Variants in RBFOX1 observed in about 807,000 individuals in gnomAD.
RBFOX1 encodes RNA binding fox-1 homolog 1, also known as RNA binding protein fox-1 homolog 1.
RBFOX1 carries 8 observed loss-of-function variants against 57.7 expected under a neutral mutation model. The observed-to-expected ratio is 0.14, with a 90% CI of 0.08 to 0.25. The LOEUF is 0.25. Ranked by LOEUF, RBFOX1 falls within the 10% of genes least tolerant of loss-of-function variation. The probability of loss-of-function intolerance (pLI) is 1.00; values close to 1 mark genes in which losing one functional copy is unlikely to be tolerated. For synonymous variants in RBFOX1, 326 were observed against 222.4 expected, an observed-to-expected ratio of 1.47 and a Z score of -4.15; for missense variants, 611 against 548.5, an observed-to-expected ratio of 1.11 and a Z score of -1.14.
At chr16:7,527,311 C>G (rs539381541) in intron 5 of RBFOX1, among the ~76,000 whole-genome samples, 12 of 152,046 alleles carry the variant, frequency 7.9e-5, no homozygotes, top group Non-Finnish European at 1.0e-4. Context: ...CCTTTATTAC[C>G]CAATACTGTG....
At chr16:7,010,280 T>A (rs1301127816) in intron 3 of RBFOX1, among the ~76,000 whole-genome samples, 1 of 152,210 alleles carries the variant, frequency 6.6e-6, no homozygotes, top group Non-Finnish European at 1.5e-5. Context: ...AAGAGAAAAC[T>A]GCTTTTCATG....
intron 2 of RBFOX1, among the ~76,000 whole-genome samples, chr16:6,547,407 T>C (rs551333219): frequency 6.6e-5 from 10 of 152,210 alleles, no homozygotes; most frequent in Non-Finnish European, 1.5e-4. Context: ...AAATTACTGA[T>C]AATGATCAGT....
intron 5 of RBFOX1, among the ~76,000 whole-genome samples, chr16:7,574,218 C>T (rs1010367633): frequency 2.6e-5 from 4 of 152,090 alleles, no homozygotes; most frequent in Admixed American, 1.3e-4. Flanking sequence ...GGGCCATGAT[C>T]GAAGGCCACT....
At chr16:6,760,660 G>T (rs1321189364) in intron 3 of RBFOX1, among the ~76,000 whole-genome samples, 1 of 152,194 alleles carries the variant, frequency 6.6e-6, no homozygotes, top group African/African-American at 2.4e-5. Flanking sequence ...TACTGGAGCA[G>T]AGAGATCCAA....
chr16:6,360,385 C>G (rs1241278399), intron 2 of RBFOX1, among the ~76,000 whole-genome samples: 2 of 152,076 alleles, frequency 1.3e-5, no homozygotes, highest in South Asian at 2.1e-4. Context: ...CCAAAAGTTT[C>G]TTATCAAATT....
intron 14 of RBFOX1, among the ~76,000 whole-genome samples, chr16:7,695,587 G>T (rs1316376717): frequency 1.3e-5 from 2 of 148,592 alleles, no homozygotes; most frequent in South Asian, 4.3e-4. Context: ...GGGAGGCGGA[G>T]GTTGCAGTGA....
At chr16:5,264,558 G>A (rs1394297067) in intron 1 of RBFOX1, among the ~76,000 whole-genome samples, 1 of 152,180 alleles carries the variant, frequency 6.6e-6, no homozygotes, top group African/African-American at 2.4e-5. Flanking sequence ...TTGTAAAAGT[G>A]TATATATTCT....
At chr16:5,920,062 T>G (rs1295137692) in intron 4 of RBFOX1, among the ~76,000 whole-genome samples, 1 of 152,098 alleles carries the variant, frequency 6.6e-6, no homozygotes, top group African/African-American at 2.4e-5. Context: ...GCCTCCCGAG[T>G]AGCGGGGACT....
chr16:7,581,860 G>T (rs533998342), intron 6 of RBFOX1, among the ~76,000 whole-genome samples: 1 of 152,118 alleles, frequency 6.6e-6, no homozygotes, highest in East Asian at 1.9e-4. Context: ...ACAGGCACAA[G>T]CCACCATGCT....
In RBFOX1 at chr16:6,097,769, T is replaced by A. The variant is rs2096262821; in HGVS notation, c.-127+77777T>A. Among the ~76,000 whole-genome samples, 1 of 152,046 alleles carries A rather than the reference T, an allele frequency of 6.6e-6. No individual in the cohort carries two copies. The highest frequency in any genetic ancestry group is 6.5e-5 in the Admixed American group (1 of 15,272). ...TTGGTCTGTGTTCTCTTCTTTTTTT[T>A]TTTTTCTTACCACCCTCCAAAATTC... On this transcript the variant is annotated intron_variant, in intron 1 of 15. Coordinates refer to ENST00000550418, the MANE Select transcript of RBFOX1 (RefSeq NM_018723.4). The surrounding 1 kb of genome is among the most constrained non-coding windows in gnomAD (Gnocchi z 5.0).
At chr16:6,309,136 T>G (rs1301073804) in intron 1 of RBFOX1, among the ~76,000 whole-genome samples, 2 of 152,196 alleles carry the variant, frequency 1.3e-5, no homozygotes, top group Non-Finnish European at 2.9e-5. Context: ...GCCTGTCTTA[T>G]GTACTCGGTG....
chr16:5,657,103 G>GA (rs1414922312), intron 3 of RBFOX1, among the ~76,000 whole-genome samples: 2 of 151,766 alleles, frequency 1.3e-5, no homozygotes, highest in South Asian at 2.1e-4. Context: ...GTAAAATTTA[G>GA]AAAAAAAAGA....
chr16:6,730,812 A>C (rs7196772), intron 3 of RBFOX1, among the ~76,000 whole-genome samples: 4,201 of 152,278 alleles, frequency 0.028, 180 homozygotes, highest in African/African-American at 0.091. Context: ...GGAGTTTCTC[A>C]TATGTGGCTG....
intron 5 of RBFOX1, among the ~76,000 whole-genome samples, chr16:7,578,236 T>C (rs769016218): frequency 6.6e-6 from 1 of 152,358 alleles, no homozygotes; most frequent in Non-Finnish European, 1.5e-5. Context: ...AGGTATGAAC[T>C]CATTATTCTT....
intron 4 of RBFOX1, among the ~76,000 whole-genome samples, chr16:5,868,307 G>A (rs2057390109): frequency 6.6e-6 from 1 of 151,678 alleles, no homozygotes; most frequent in Non-Finnish European, 1.5e-5. Flanking sequence ...CCCTAAGCAT[G>A]TGGAGGTATT....
chr16:7,366,702 T>C (rs1176975241), intron 4 of RBFOX1, among the ~76,000 whole-genome samples: 2 of 152,100 alleles, frequency 1.3e-5, no homozygotes, highest in Non-Finnish European at 2.9e-5. Context: ...TGCTAAGCCC[T>C]ATTAAAATGG....
At chr16:7,044,998 C>T (rs898258302) in intron 3 of RBFOX1, among the ~76,000 whole-genome samples, 2 of 152,126 alleles carry the variant, frequency 1.3e-5, no homozygotes, top group African/African-American at 2.4e-5. Context: ...AAGGTTGCAG[C>T]CGAAACACAC....
chr16:5,618,980 C>G lies in RBFOX1; in HGVS notation c.318+20019C>G, dbSNP rs149130172. ...GTGCCGGCTCCTCCCAGCCGGCATC[C>G]TTTGCTCCGGTGGTTCCAGGGAGGC... is the stretch of plus-strand genomic sequence containing the variant. On this transcript the variant is annotated intron_variant, in intron 3 of 19. Transcript: ENST00000641259. Among the ~76,000 whole-genome samples the G allele has an allele frequency of 3.6e-3, 545 of 152,264 alleles. 4 individuals carry two copies. Among genetic ancestry groups the G allele is most frequent in the African/African-American group, 0.012 (497 of 41,564 alleles).
chr16:7,216,671 T>A (rs1380196994), intron 4 of RBFOX1, among the ~76,000 whole-genome samples: 2 of 74,940 alleles, frequency 2.7e-5, no homozygotes, highest in Non-Finnish European at 3.3e-5. Flanking sequence ...AAAATAAAAA[T>A]TAAAAAACCC....
Sources: allele counts gnomAD v4.1 joint callset (sites outside exome capture counted in the v4.1 genomes callset), GRCh38; gene constraint gnomAD v4.1.1; non-coding constraint Gnocchi (gnomAD v3.1); transcripts MANE v1.5; gene names NCBI Gene and HGNC (gene_info 2026-07-23, HGNC 2026-07-21).